Variants in ELOVL2 observed in about 807,000 individuals in gnomAD.
ELOVL2 encodes the protein very long chain fatty acid elongase 2.
Under a neutral mutation model 37.7 loss-of-function variants are expected in ELOVL2, and 38 were observed. The observed-to-expected ratio is 1.01, with a 90% CI of 0.78 to 1.32. The LOEUF is 1.32. Ranked by LOEUF, ELOVL2 falls within the 40% of genes most tolerant of loss-of-function variation. The pLI is 0.00. For synonymous variants in ELOVL2, 115 were observed against 122.3 expected, an observed-to-expected ratio of 0.94 and a Z score of 0.40; for missense variants, 352 against 363.6, an observed-to-expected ratio of 0.97 and a Z score of 0.26.
intron 1 of ELOVL2, among the ~76,000 whole-genome samples, chr6:11,032,114 A>AT (rs1209183654): frequency 1.3e-5 from 2 of 152,182 alleles, no homozygotes; most frequent in Non-Finnish European, 2.9e-5. Context: ...GGCTACAGAC[A>AT]TGTAGAGAAG....
chr6:10,993,684 T>TG (rs1204975706), intron 5 of ELOVL2, among the ~76,000 whole-genome samples: 3 of 151,856 alleles, frequency 2.0e-5, no homozygotes, highest in Non-Finnish European at 4.4e-5. Context: ...TGTCTACACT[T>TG]TTTTGTTTTG....
intron 1 of ELOVL2, among the ~76,000 whole-genome samples, chr6:11,035,321 T>C (rs535822746): frequency 6.6e-6 from 1 of 152,346 alleles, no homozygotes; most frequent in South Asian, 2.1e-4. Flanking sequence ...TTGTGTGCAC[T>C]TGATTGTTGG....
At chr6:10,991,271 C>T (rs1253974812) in intron 5 of ELOVL2, among the ~76,000 whole-genome samples, 1 of 152,180 alleles carries the variant, frequency 6.6e-6, no homozygotes, top group African/African-American at 2.4e-5. Flanking sequence ...AGGATTTCAT[C>T]AGTACATGAA....
At chr6:10,990,564 A>G (rs773199508) in intron 5 of ELOVL2, 122 bp from the exon 6 acceptor site, 31 of 931,602 alleles carry the variant, frequency 3.3e-5, no homozygotes, top group Non-Finnish European at 4.5e-5. Context: ...ACATGATCAT[A>G]TAACAAAATC....
At chr6:11,010,851 C>CTTT (rs779779300) in intron 1 of ELOVL2, 42 bp from the exon 2 acceptor site, 1 of 1,509,386 alleles carries the variant, frequency 6.6e-7, no homozygotes, top group East Asian at 2.3e-5. Context: ...TTTTTTTCTT[C>CTTT]TTTTTTTGAA....
chr6:11,027,862 C>T, intron 1 of ELOVL2, among the ~76,000 whole-genome samples: 1 of 152,202 alleles, frequency 6.6e-6, no homozygotes, highest in East Asian at 1.9e-4. Flanking sequence ...ATATAAAGGA[C>T]ATGAGCTCCA....
intron 1 of ELOVL2, among the ~76,000 whole-genome samples, chr6:11,038,928 GA>G (rs1239517825): frequency 6.6e-6 from 1 of 151,964 alleles, no homozygotes. Context: ...AAGTGCTGTG[GA>G]AAAAAAATAA....
intron 1 of ELOVL2, among the ~76,000 whole-genome samples, chr6:11,025,252 C>T (rs1019489669): frequency 1.3e-5 from 2 of 152,150 alleles, no homozygotes; most frequent in Non-Finnish European, 2.9e-5. Context: ...TGACAGCCAG[C>T]CCATTCTTTG....
intron 1 of ELOVL2, among the ~76,000 whole-genome samples, chr6:11,030,675 G>A (rs1332555650): frequency 6.6e-6 from 1 of 151,748 alleles, no homozygotes; most frequent in Non-Finnish European, 1.5e-5. Context: ...TGTATTTTTA[G>A]TAGAGATGGG....
Position 11,010,866 on chromosome 6 carries a change from T to C in ELOVL2, c.4-57A>G, listed in dbSNP as rs1250067609. On this transcript the variant is annotated intron_variant, in intron 1 of 7. Transcript: ENST00000354666. ...TTTTTTTCTTCTTTTTTTGAAACGGTCAAAACAAGCCACTACCAACAACAT... is the reference window on the plus strand; with the variant it reads ...TTTTTTTCTTCTTTTTTTGAAACGGCCAAAACAAGCCACTACCAACAACAT... 15 of 1,391,722 alleles carry C rather than the reference T, an allele frequency of 1.1e-5. No individual in the cohort carries two copies. The East Asian group carries it at 2.5e-4, about 24-fold the overall frequency. The allele number at this position is 1,391,722 out of a possible 1,614,324, so 86.2% of individuals were successfully genotyped here. A position where few individuals can be genotyped will look rare whatever the true frequency, so the allele number is the denominator to read the frequency against.
At chr6:11,027,162 CTA>C (rs1364033992) in intron 1 of ELOVL2, among the ~76,000 whole-genome samples, 1 of 152,098 alleles carries the variant, frequency 6.6e-6, no homozygotes, top group African/African-American at 2.4e-5. Context: ...AGCTTACTGT[CTA>C]TGTTTTATGA....
intron 4 of ELOVL2, among the ~76,000 whole-genome samples, chr6:10,998,082 TCCTTGTG>T (rs1168894041): frequency 3.9e-5 from 6 of 152,116 alleles, no homozygotes; most frequent in African/African-American, 1.2e-4. Flanking sequence ...GTCTGGGACC[TCCTTGTG>T]CCTTGCTCCC....
At chr6:11,008,779 A>AT (rs1338624205) in intron 2 of ELOVL2, among the ~76,000 whole-genome samples, 6 of 152,198 alleles carry the variant, frequency 3.9e-5, no homozygotes, top group African/African-American at 1.4e-4. Context: ...ATGTGAAAGG[A>AT]TTTTTTCAAA....
chr6:11,027,004 A>G (rs1441633171), intron 1 of ELOVL2, among the ~76,000 whole-genome samples: 2 of 152,208 alleles, frequency 1.3e-5, no homozygotes, highest in African/African-American at 4.8e-5. Flanking sequence ...TGTAGTGAGA[A>G]CACTTAACTG....
chr6:11,006,538 C>G (rs751108622), intron 2 of ELOVL2, among the ~76,000 whole-genome samples: 1 of 152,242 alleles, frequency 6.6e-6, no homozygotes, highest in Non-Finnish European at 1.5e-5. Context: ...GTTTCACCAA[C>G]AGGCAATGGC....
At position 10,982,852 on chromosome 6, in the gene ELOVL2, G is replaced by C. The variant is rs576924255; in HGVS notation, c.*929C>G. On this transcript the variant is annotated 3_prime_UTR_variant, in exon 8 of 8. Transcript: ENST00000354666. ...AGTTGACGAATTCAGTGCCTATTTT[G>C]CTCCCATCACTCTGCTACTTCTGCT... The C allele has an allele frequency of 3.9e-5, 6 of 152,348 alleles. No individual in the cohort carries two copies. In the East Asian group the frequency reaches 1.2e-3, roughly 29 times the overall value. 9.4% of individuals were successfully genotyped at this position (152,348 alleles called of 1,614,324 possible). A position where few individuals can be genotyped will look rare whatever the true frequency, so the allele number is the denominator to read the frequency against.
chr6:11,015,843 C>T (rs1384313744), intron 1 of ELOVL2: 1 of 152,162 alleles, frequency 6.6e-6, no homozygotes, highest in East Asian at 1.9e-4. Flanking sequence ...TCAGCACAAA[C>T]CAGGGCATCT....
Position 11,044,162 on chromosome 6 carries a change from C to T in ELOVL2, c.3+66G>A, listed in dbSNP as rs1239266488. On this transcript the variant is annotated intron_variant, in intron 1 of 7. Transcript: ENST00000354666. This position sits in a 1 kb window ranked among gnomAD's most constrained non-coding sequence, Gnocchi z 5.6. ...GGCGCCCGCTCGGCCCTTTCCCGCC[C>T]GGTGCGTGGGTCCAGGAGAGAAAGA... 3.5e-6 allele frequency: 5 copies of T among 1,433,548 alleles called. No individual in the cohort carries two copies. The highest frequency in any genetic ancestry group is 4.6e-6 in the Non-Finnish European group (5 of 1,089,908). The allele number at this position is 1,433,548 out of a possible 1,614,324, so 88.8% of individuals were successfully genotyped here.
chr6:10,995,036 C>A lies in ELOVL2; in HGVS notation c.476G>T (p.Cys159Phe). 1 of 1,610,958 alleles carries A rather than the reference C, an allele frequency of 6.2e-7. No homozygotes were observed. The highest frequency in any genetic ancestry group is 8.5e-7 in the Non-Finnish European group (1 of 1,178,942). ...HHASMFNIWW[C>F]VLNWIPCGQS... ...TCCACAAGGTATCCAGTTCAAGACA[C>A]ACCACCAGATGTTAAACATAGAAGC... is the stretch of plus-strand genomic sequence containing the variant. The change falls in exon 5 of 8, where the codon TGT becomes TTT. Residue 159 changes from cysteine to phenylalanine, a missense_variant. Transcript: ENST00000354666.
Sources: allele counts gnomAD v4.1 joint callset (sites outside exome capture counted in the v4.1 genomes callset), GRCh38; gene constraint gnomAD v4.1.1; non-coding constraint Gnocchi (gnomAD v3.1); transcripts MANE v1.5; gene names NCBI Gene and HGNC (gene_info 2026-07-23, HGNC 2026-07-21).